The following NRAP variants were observed in gnomAD, a reference collection of about 807,000 sequenced individuals.
NRAP encodes nebulin-related-anchoring protein.
A neutral mutation model predicts 225.9 loss-of-function variants in NRAP; 189 were observed. That is an observed-to-expected ratio of 0.84 (90% CI 0.74 to 0.94). The LOEUF is 0.94. Ranked by LOEUF, NRAP falls within the 40% of genes least tolerant of loss-of-function variation. The pLI is 0.00. For synonymous variants in NRAP, 769 were observed against 790.7 expected (o/e 0.97, Z 0.46); for missense variants, 2,176 against 2,168.7 (o/e 1.00, Z -0.07).
intron 9 of NRAP, among the ~76,000 whole-genome samples, chr10:113,649,271 A>G (rs553630375): frequency 2.0e-5 from 3 of 152,354 alleles, no homozygotes; most frequent in African/African-American, 7.2e-5. Context: ...TGGTTTTCTA[A>G]ATCATATATG....
At chr10:113,637,538 G>T (rs1405846646) in intron 14 of NRAP, among the ~76,000 whole-genome samples, 3 of 152,220 alleles carry the variant, frequency 2.0e-5, no homozygotes, top group Admixed American at 6.5e-5. Flanking sequence ...ACAAACAAAT[G>T]ACTTACAAGT....
chr10:113,648,814 C>A (rs1849756412), intron 9 of NRAP, among the ~76,000 whole-genome samples: 1 of 152,144 alleles, frequency 6.6e-6, no homozygotes. Flanking sequence ...AATCGTCCTA[C>A]TAATCAAGAA....
In NRAP at chr10:113,606,187, G is replaced by C. The variant is rs1415327500; in HGVS notation, c.3798C>G (p.Asn1266Lys). The C allele has an allele frequency of 4.3e-6, 7 of 1,612,718 alleles. No individual in the cohort carries two copies. The highest frequency in any genetic ancestry group is 5.9e-6 in the Non-Finnish European group (7 of 1,178,686). ...EFIRAKTNAA[N>K]LSDARYKESW... is the part of the protein sequence containing the mutation. ...TAACAAAAGGGCTTACGTCACTCAG[G>C]TTGGCTGCATTCGTTTTTGCTCGGA... is the stretch of plus-strand genomic sequence containing the variant. The change falls in exon 33 of 42, where the codon AAC becomes AAG. Residue 1266 changes from asparagine to lysine, a missense_variant. This residue lies in a region of NRAP where 1,708 missense variants were observed against 1,695.5 expected (regional missense o/e 1.01). Coordinates refer to ENST00000359988, the MANE Select transcript of NRAP (RefSeq NM_198060.4).
chr10:113,662,324 G>T (rs1482305475), intron 3 of NRAP, among the ~76,000 whole-genome samples: 1 of 152,122 alleles, frequency 6.6e-6, no homozygotes, highest in South Asian at 2.1e-4. Flanking sequence ...GGCATTTAGG[G>T]TGTTTATCGG....
At chr10:113,641,617 T>C in intron 12 of NRAP, 145 bp from the exon 13 acceptor site, 1 of 566,538 alleles carries the variant, frequency 1.8e-6, no homozygotes, top group South Asian at 2.6e-5. Context: ...GAATAAAAAA[T>C]AAGGCAAACT....
At position 113,614,223 on chromosome 10, in the gene NRAP, C is replaced by A. The variant is rs567757092; in HGVS notation, c.3260G>T (p.Ser1087Ile). Reference sequence around the variant, plus strand: ...GGTCGCATACACTGAATGTGCAAGGCTGATATCATCTTCCAAGCTCCGGGA... The same window carrying A: ...GGTCGCATACACTGAATGTGCAAGGATGATATCATCTTCCAAGCTCCGGGA... ...LGSRSLEDDI[S>I]LAHSVYATSL... Residue 1087 changes from serine (S) to isoleucine (I), a missense_variant, in exon 29 of 42, where the codon AGC becomes ATC. This residue lies in a region of NRAP where 1,708 missense variants were observed against 1,695.5 expected (regional missense o/e 1.01). Transcript: ENST00000359988. The A allele has an allele frequency of 2.2e-5, 36 of 1,614,050 alleles. No individual in the cohort carries two copies. The African/African-American group carries it at 4.7e-4, about 21-fold the overall frequency.
intron 21 of NRAP, 56 bp from the exon 22 acceptor site, chr10:113,624,986 T>C: frequency 4.7e-6 from 5 of 1,059,228 alleles, no homozygotes; most frequent in Non-Finnish European, 7.4e-6. Context: ...GTGGGCAGGG[T>C]GGCATCCCTC....
intron 30 of NRAP, among the ~76,000 whole-genome samples, chr10:113,611,022 G>T (rs1459531304): frequency 6.6e-6 from 1 of 152,166 alleles, no homozygotes; most frequent in Non-Finnish European, 1.5e-5. Flanking sequence ...TCTGGCAAAG[G>T]CCTGCCTGAG....
chr10:113,610,264 C>A lies in NRAP; in HGVS notation c.3603+195G>T, dbSNP rs145455718. ...ACCTAGGAGGCTGAGGCAGGAGAAT[C>A]GCTTGAACCCAGGAGACGGAGGTTG... On this transcript the variant is annotated intron_variant, in intron 31 of 41. Coordinates refer to ENST00000359988, the MANE Select transcript of NRAP (RefSeq NM_198060.4). Among the ~76,000 whole-genome samples, 3 of 150,950 alleles carry A rather than the reference C, an allele frequency of 2.0e-5. No homozygotes were observed. The East Asian group carries it at 5.9e-4, about 30-fold the overall frequency.
intron 32 of NRAP, among the ~76,000 whole-genome samples, chr10:113,607,821 A>G (rs539180858): frequency 1.3e-5 from 2 of 152,220 alleles, no homozygotes; most frequent in African/African-American, 2.4e-5. Flanking sequence ...AGTAGAATCA[A>G]TGAGGCTGGA....
chr10:113,654,390 C>T (rs772910679), intron 4 of NRAP, among the ~76,000 whole-genome samples: 13 of 150,478 alleles, frequency 8.6e-5, no homozygotes, highest in Middle Eastern at 3.4e-3. Context: ...CAAGATTGGG[C>T]GAGGAGGAGG....
chr10:113,608,298 T>G, intron 32 of NRAP, 116 bp downstream of exon 32: 1 of 660,414 alleles, frequency 1.5e-6, no homozygotes, highest in Non-Finnish European at 2.7e-6. Context: ...ATTCTTTTCT[T>G]TCCAAACCTC....
intron 37 of NRAP, among the ~76,000 whole-genome samples, chr10:113,596,007 T>C (rs1210570179): frequency 1.3e-5 from 2 of 152,226 alleles, no homozygotes; most frequent in African/African-American, 4.8e-5. Flanking sequence ...TGGTTGGCCA[T>C]ACCTGGGTGT....
rs199611605 is a variant in NRAP, at chr10:113,610,252, AG to A, written c.3603+206del. On this transcript the variant is annotated intron_variant, in intron 31 of 41. Transcript: ENST00000359988. ...GTAATCTCAGCTACCTAGGAGGCTG[AG>A]GCAGGAGAATCGCTTGAACCCAGGA... Among the ~76,000 whole-genome samples, 10,133 of 150,768 alleles carry A rather than the reference AG, an allele frequency of 0.067. 416 individuals carry two copies. The highest frequency in any genetic ancestry group is 0.11 in the East Asian group (539 of 5,004).
rs566077966 is a variant in NRAP at position 113,589,514 on chromosome 10, C to A, written c.5088+152G>T. 13 of 840,404 alleles carry A rather than the reference C, an allele frequency of 1.5e-5. 1 individual carries two copies. Among genetic ancestry groups the A allele is most frequent in the South Asian group, 1.4e-4 (8 of 57,906 alleles). 52.1% of individuals were successfully genotyped at this position (840,404 alleles called of 1,614,324 possible). A position where few individuals can be genotyped will look rare whatever the true frequency, so the allele number is the denominator to read the frequency against. On this transcript the variant is annotated intron_variant, in intron 41 of 41. Coordinates refer to ENST00000359988, the MANE Select transcript of NRAP (RefSeq NM_198060.4). Reference sequence around the variant, plus strand: ...GTGTCATCTGCCTGGTCATCTCAGACCCATGAAATTAGGCGCCTTGTTTGA... The same window carrying A: ...GTGTCATCTGCCTGGTCATCTCAGAACCATGAAATTAGGCGCCTTGTTTGA...
intron 14 of NRAP, among the ~76,000 whole-genome samples, chr10:113,636,060 G>A (rs183477831): frequency 2.0e-4 from 31 of 152,322 alleles, no homozygotes; most frequent in African/African-American, 3.8e-4. Flanking sequence ...GGCTCAAAGC[G>A]ACAGGATCAC....
At chr10:113,657,428 C>T in intron 4 of NRAP, 42 bp downstream of exon 4, 2 of 976,890 alleles carry the variant, frequency 2.0e-6, no homozygotes, top group South Asian at 2.6e-5. Flanking sequence ...CATAGTATGT[C>T]ATTCTTTCTT....
chr10:113,647,661 C>CCTCCCCCGGTGGTGCTGT (rs1365172652), intron 9 of NRAP, among the ~76,000 whole-genome samples: 1 of 135,982 alleles, frequency 7.4e-6, no homozygotes, highest in African/African-American at 2.6e-5. Flanking sequence ...GGTGGTACTG[C>CCTCCCCCGGTGGTGCTGT]CTCCCCCGGT....
intron 9 of NRAP, among the ~76,000 whole-genome samples, chr10:113,647,834 A>T (rs1329549264): frequency 6.6e-6 from 1 of 152,234 alleles, no homozygotes; most frequent in African/African-American, 2.4e-5. Flanking sequence ...TGTATATTTC[A>T]GACTAAGGAT....
Sources: allele counts gnomAD v4.1 joint callset (sites outside exome capture counted in the v4.1 genomes callset), GRCh38; gene constraint gnomAD v4.1.1; regional missense constraint gnomAD v4.1.1; transcripts MANE v1.5; gene names NCBI Gene and HGNC (gene_info 2026-07-23, HGNC 2026-07-21).